Variants in BMP6 observed in about 807,000 individuals in gnomAD.
The protein encoded by BMP6 is VG-1-R.
Under a neutral mutation model 54.1 loss-of-function variants are expected in BMP6, and 17 were observed. The ratio of observed to expected loss-of-function variants is 0.31; its 90% CI spans 0.22 to 0.47. The LOEUF is 0.47. Among genes scored for constraint, BMP6 ranks in the 20% least tolerant of loss-of-function variants. The pLI is 1.00. For missense variants in BMP6, 720 were observed against 690.4 expected, an observed-to-expected ratio of 1.04 and a Z score of -0.48; for synonymous variants, 328 against 291.2, an observed-to-expected ratio of 1.13 and a Z score of -1.28.
intron 1 of BMP6, among the ~76,000 whole-genome samples, chr6:7,733,475 C>T (rs912416420): frequency 1.3e-5 from 2 of 152,168 alleles, no homozygotes; most frequent in Admixed American, 1.3e-4. Flanking sequence ...GCCCCATTCA[C>T]GTAAACAGCT....
chr6:7,770,506 T>C (rs1757766529), intron 1 of BMP6, among the ~76,000 whole-genome samples: 1 of 152,162 alleles, frequency 6.6e-6, no homozygotes, highest in Non-Finnish European at 1.5e-5. Flanking sequence ...TGGACATAGG[T>C]TGGGACTGGA....
chr6:7,808,241 A>C (rs991007317), intron 1 of BMP6, among the ~76,000 whole-genome samples: 2 of 152,202 alleles, frequency 1.3e-5, no homozygotes, highest in African/African-American at 2.4e-5. Context: ...AAGGAAAGAA[A>C]ATATGCATAT....
At chr6:7,874,799 A>G (rs559716022) in intron 4 of BMP6, among the ~76,000 whole-genome samples, 254 of 131,966 alleles carry the variant, frequency 1.9e-3, no homozygotes, top group Non-Finnish European at 3.0e-3. Flanking sequence ...AAGCTTGTCA[A>G]CGCTATGTGA....
chr6:7,743,595 T>C (rs1448155105), intron 1 of BMP6, among the ~76,000 whole-genome samples: 1 of 152,196 alleles, frequency 6.6e-6, no homozygotes, highest in African/African-American at 2.4e-5. Flanking sequence ...CCCTCTCTCA[T>C]TGAACGTGAT....
intron 1 of BMP6, 68 bp from the exon 2 acceptor site, chr6:7,845,072 G>A: frequency 1.4e-6 from 2 of 1,396,836 alleles, no homozygotes; most frequent in Non-Finnish European, 2.0e-6. Flanking sequence ...CGGGGAAACT[G>A]GTGAGGTAAG....
chr6:7,854,746 A>C (rs1301814267), intron 2 of BMP6, among the ~76,000 whole-genome samples: 2 of 152,222 alleles, frequency 1.3e-5, no homozygotes, highest in African/African-American at 4.8e-5. Flanking sequence ...CAGTGAGCCA[A>C]GATGACGCAC....
chr6:7,865,844 A>G (rs1224164145), intron 4 of BMP6, among the ~76,000 whole-genome samples: 1 of 152,230 alleles, frequency 6.6e-6, no homozygotes, highest in Non-Finnish European at 1.5e-5. Flanking sequence ...AACCACCACC[A>G]GAAGCAGCCC....
chr6:7,827,048 C>T (rs887594152), intron 1 of BMP6, among the ~76,000 whole-genome samples: 1 of 152,236 alleles, frequency 6.6e-6, no homozygotes, highest in African/African-American at 2.4e-5. Flanking sequence ...TGCAGCTCTC[C>T]TTGGAGGCTT....
chr6:7,823,200 C>T (rs544461651), intron 1 of BMP6, among the ~76,000 whole-genome samples: 10 of 152,204 alleles, frequency 6.6e-5, no homozygotes, highest in African/African-American at 2.2e-4. Flanking sequence ...TGAGGCTGAC[C>T]GAATTGTGGA....
rs1761738314 is a variant in BMP6 at position 7,727,025 on chromosome 6, C to T, written c.70C>T (p.Pro24Ser). ...GGGGCTGCTGTGCAGCTGCTGCGGG[C>T]CCCCGCCGCTGCGGCCGCCCTTGCC... is the stretch of plus-strand genomic sequence containing the variant. ...WWGLLCSCCG[P>S]PPLRPPLPAA... The change falls in exon 1 of 7, where the codon CCC becomes TCC. Residue 24 changes from proline (P) to serine (S), a missense_variant. Transcript: ENST00000283147. 2 of 1,118,758 alleles carry T rather than the reference C, an allele frequency of 1.8e-6. No individual in the cohort carries two copies. Among genetic ancestry groups the T allele is most frequent in the South Asian group, 4.3e-5 (1 of 23,430 alleles). The allele number at this position is 1,118,758 out of a possible 1,614,324, so 69.3% of individuals were successfully genotyped here.
In BMP6 at chr6:7,881,570, G is replaced by T. The variant is rs1759739214; in HGVS notation, c.*1227G>T. On this transcript the variant is annotated 3_prime_UTR_variant, in exon 7 of 7. Coordinates refer to ENST00000283147, the MANE Select transcript of BMP6 (RefSeq NM_001718.6). ...GTATCATAGTGTAAACAAACAAATTGTACCACTTTGATTTTCTTGGAATAC... is the reference window on the plus strand; with the variant it reads ...GTATCATAGTGTAAACAAACAAATTTTACCACTTTGATTTTCTTGGAATAC... The T allele has an allele frequency of 6.6e-6, 1 of 152,148 alleles. No individual in the cohort carries two copies. The highest frequency in any genetic ancestry group is 1.5e-5 in the Non-Finnish European group (1 of 68,012). 9.4% of individuals were successfully genotyped at this position (152,148 alleles called of 1,614,324 possible). A position where few individuals can be genotyped will look rare whatever the true frequency, so the allele number is the denominator to read the frequency against.
At chr6:7,800,091 T>G (rs1213798504) in intron 1 of BMP6, among the ~76,000 whole-genome samples, 10 of 146,260 alleles carry the variant, frequency 6.8e-5, no homozygotes, top group African/African-American at 2.3e-4. Flanking sequence ...TGTGTGTGTG[T>G]GTGTGTGTGT....
chr6:7,818,026 G>T (rs1480500238), intron 1 of BMP6, among the ~76,000 whole-genome samples: 1 of 152,158 alleles, frequency 6.6e-6, no homozygotes, highest in Admixed American at 6.5e-5. Context: ...TTTATAATTG[G>T]ACTGGATACT....
chr6:7,851,129 A>G (rs922024184), intron 2 of BMP6, among the ~76,000 whole-genome samples: 14 of 152,210 alleles, frequency 9.2e-5, no homozygotes, highest in African/African-American at 3.1e-4. Context: ...TTTTAAAATC[A>G]GTTTGTTTCC....
At chr6:7,783,624 G>A (rs527266996) in intron 1 of BMP6, among the ~76,000 whole-genome samples, 5 of 152,354 alleles carry the variant, frequency 3.3e-5, no homozygotes, top group Admixed American at 2.6e-4. Context: ...GCAAATCAGA[G>A]GCATTGTAAA....
intron 4 of BMP6, among the ~76,000 whole-genome samples, chr6:7,862,986 G>T (rs994305950): frequency 1.3e-5 from 2 of 151,990 alleles, no homozygotes; most frequent in Non-Finnish European, 2.9e-5. Flanking sequence ...GAGAGGTTGA[G>T]GGTTTTTTTG....
chr6:7,779,363 C>T (rs549397771), intron 1 of BMP6, among the ~76,000 whole-genome samples: 21 of 152,026 alleles, frequency 1.4e-4, no homozygotes, highest in Middle Eastern at 3.4e-3. Context: ...GATGGAGTCT[C>T]GCTCTGTTTG....
rs534373213 is a variant in BMP6, at chr6:7,872,485, G to A, written c.1205-6589G>A. ...AGTATCTGTAGGAAGAAAAACAGGA[G>A]AGTTGAATTCCTCCTTTTCCTCTCT... On this transcript the variant is annotated intron_variant, in intron 4 of 6. Transcript: ENST00000283147. 7.2e-5 allele frequency among the ~76,000 whole-genome samples: 11 copies of A among 152,302 alleles called. No homozygotes were observed. In the South Asian group the frequency reaches 2.3e-3, roughly 32 times the overall value.
chr6:7,846,175 A>AT (rs1378432421), intron 2 of BMP6, among the ~76,000 whole-genome samples: 4 of 152,178 alleles, frequency 2.6e-5, no homozygotes, highest in Non-Finnish European at 4.4e-5. Flanking sequence ...CGGTCTGGCA[A>AT]TTATATGGCA....
Sources: gnomAD v4.1 joint callset for allele counts (sites outside exome capture counted in the v4.1 genomes callset) on GRCh38, gnomAD v4.1.1 for gene constraint, MANE v1.5 for transcripts, NCBI Gene and HGNC (gene_info 2026-07-23, HGNC 2026-07-21) for gene names.